The following CEP128 variants were observed in gnomAD, a reference collection of about 807,000 sequenced individuals.
CEP128 encodes centrosomal protein 128.
CEP128 carries 132 observed loss-of-function variants against 156.7 expected under a neutral mutation model. That is an observed-to-expected ratio of 0.84 (90% CI 0.73 to 0.97). The LOEUF (loss-of-function observed/expected upper bound fraction) is 0.97. Among genes scored for constraint, CEP128 ranks in the 50% least tolerant of loss-of-function variants. CEP128 has a pLI of 0.00. For missense variants in CEP128, 1,252 were observed against 1,281.9 expected (o/e 0.98, Z 0.36); for synonymous variants, 469 against 448.9 (o/e 1.04, Z -0.57).
intron 2 of CEP128, among the ~76,000 whole-genome samples, chr14:80,919,087 A>G (rs939801233): frequency 6.6e-6 from 1 of 152,228 alleles, no homozygotes; most frequent in Non-Finnish European, 1.5e-5. Flanking sequence ...GGCAGAATAA[A>G]AAGTTAATAT....
intron 20 of CEP128, among the ~76,000 whole-genome samples, chr14:80,571,153 A>G (rs8011532): frequency 0.57 from 86,223 of 151,962 alleles, 24,776 homozygotes; most frequent in East Asian, 0.72. Context: ...TTGTGCAGCT[A>G]AATGACACCT....
rs932338039 is a variant in CEP128 at position 80,549,772 on chromosome 14, C to T, written c.2880+9507G>A. On this transcript the variant is annotated intron_variant, in intron 21 of 24. Transcript: ENST00000555265. ...TTAGTGTCCTAACAAAGAGTGATGG[C>T]TCTTCTTCAACTTCGGTGCCTGTAG... 2.0e-5 allele frequency among the ~76,000 whole-genome samples: 3 copies of T among 152,272 alleles called. No homozygotes were observed. In the South Asian group the frequency reaches 6.2e-4, roughly 32 times the overall value.
chr14:80,763,556 C>T (rs1900075400), intron 16 of CEP128, among the ~76,000 whole-genome samples: 1 of 152,246 alleles, frequency 6.6e-6, no homozygotes, highest in South Asian at 2.1e-4. Flanking sequence ...AAAGTTTATC[C>T]TTTAAGATGC....
At chr14:80,713,410 T>C (rs1428316456) in intron 19 of CEP128, among the ~76,000 whole-genome samples, 3 of 151,996 alleles carry the variant, frequency 2.0e-5, no homozygotes, top group Non-Finnish European at 4.4e-5. Flanking sequence ...CAAAGCTCTA[T>C]GACTTTGTGT....
Position 80,743,133 on chromosome 14 carries a change from G to C in CEP128, c.2748C>G (p.Leu916=), listed in dbSNP as rs201355718. The change falls in exon 19 of 25, where the codon CTC becomes CTG. Residue 916 remains leucine, a synonymous_variant. Coordinates refer to ENST00000555265, the MANE Select transcript of CEP128 (RefSeq NM_152446.5). Reference sequence around the variant, plus strand: ...GCTCCTGCCTTTCTATCTGTTGAAAGAGACACTGCAACTCAGATTCCTTGT... The same window carrying C: ...GCTCCTGCCTTTCTATCTGTTGAAACAGACACTGCAACTCAGATTCCTTGT... ...TENKESELQC[L]FQQIERQEQL... 6.2e-6 allele frequency: 10 copies of C among 1,613,690 alleles called. No homozygotes were observed. Among genetic ancestry groups the C allele is most frequent in the Non-Finnish European group, 7.6e-6 (9 of 1,179,846 alleles).
intron 23 of CEP128, among the ~76,000 whole-genome samples, chr14:80,525,814 G>T (rs949274962): frequency 1.3e-5 from 2 of 152,160 alleles, no homozygotes; most frequent in African/African-American, 4.8e-5. Flanking sequence ...TGCTAAGAAG[G>T]AGTTATGGAA....
chr14:80,856,074 C>T (rs1198386143), intron 9 of CEP128, among the ~76,000 whole-genome samples: 2 of 152,120 alleles, frequency 1.3e-5, no homozygotes, highest in African/African-American at 4.8e-5. Flanking sequence ...GTATCGATTA[C>T]TTTAATTTTT....
chr14:80,663,152 G>A (rs530343666), intron 19 of CEP128, among the ~76,000 whole-genome samples: 1 of 152,204 alleles, frequency 6.6e-6, no homozygotes, highest in African/African-American at 2.4e-5. Flanking sequence ...GGCTGAGAGA[G>A]CAGGCTCTCT....
intron 19 of CEP128, among the ~76,000 whole-genome samples, chr14:80,711,297 G>T (rs1897395927): frequency 3.1e-5 from 2 of 63,872 alleles, no homozygotes; most frequent in African/African-American, 4.9e-5. Flanking sequence ...AGACTATGTT[G>T]TGTGTGTGTG....
intron 9 of CEP128, among the ~76,000 whole-genome samples, chr14:80,842,408 A>G (rs1305287946): frequency 6.6e-6 from 1 of 151,998 alleles, no homozygotes; most frequent in Non-Finnish European, 1.5e-5. Context: ...CACAAATGCA[A>G]TATTCTAGCC....
chr14:80,685,707 C>T (rs990235629), intron 19 of CEP128, among the ~76,000 whole-genome samples: 1 of 152,134 alleles, frequency 6.6e-6, no homozygotes, highest in Non-Finnish European at 1.5e-5. Flanking sequence ...CTATGTCAAA[C>T]TATACTATAA....
intron 19 of CEP128, among the ~76,000 whole-genome samples, chr14:80,613,806 G>C (rs1307672039): frequency 6.6e-6 from 1 of 152,018 alleles, no homozygotes; most frequent in Non-Finnish European, 1.5e-5. Context: ...GATAAGACTA[G>C]AGTGAAACAA....
At chr14:80,816,032 A>G (rs77479982) in intron 13 of CEP128, among the ~76,000 whole-genome samples, 7,301 of 152,300 alleles carry the variant, frequency 0.048, 197 homozygotes, top group Middle Eastern at 0.061. Context: ...ACACAAAAAA[A>G]AAACCCAGAC....
intron 21 of CEP128, among the ~76,000 whole-genome samples, chr14:80,553,079 C>CTT (rs144285422): frequency 1.5e-4 from 19 of 122,670 alleles, no homozygotes; most frequent in South Asian, 4.6e-4. Context: ...TTCTTTCTTT[C>CTT]TTTCTTTTTT....
Position 80,803,270 on chromosome 14 carries a change from T to C in CEP128, c.1210-10160A>G, listed in dbSNP as rs1883980583. Among the ~76,000 whole-genome samples, 3 of 151,776 alleles carry C rather than the reference T, an allele frequency of 2.0e-5. No homozygotes were observed. In the South Asian group the frequency reaches 6.2e-4, roughly 31 times the overall value. On this transcript the variant is annotated intron_variant, in intron 13 of 24. Coordinates refer to ENST00000555265, the MANE Select transcript of CEP128 (RefSeq NM_152446.5). The stretch of plus-strand genomic sequence containing the variant: ...TTCCAAATTTATGCTGCCTAGTATA[T>C]GCTAACACCTCATTCCTGAGTGCCT...
intron 8 of CEP128, among the ~76,000 whole-genome samples, chr14:80,876,854 A>G (rs1888308561): frequency 6.6e-6 from 1 of 152,214 alleles, no homozygotes; most frequent in South Asian, 2.1e-4. Flanking sequence ...CACTCACCCT[A>G]AAGGAAATCT....
chr14:80,532,198 TA>T (rs1197690711), intron 21 of CEP128, among the ~76,000 whole-genome samples: 51 of 152,078 alleles, frequency 3.4e-4, no homozygotes, highest in African/African-American at 1.2e-3. Flanking sequence ...TATATATATA[TA>T]TATTTTTTTT....
chr14:80,687,419 C>A (rs918559279), intron 19 of CEP128, among the ~76,000 whole-genome samples: 4 of 152,074 alleles, frequency 2.6e-5, no homozygotes, highest in Admixed American at 1.3e-4. Context: ...ATAATGAAAT[C>A]ATGCCCTTTG....
chr14:80,905,368 T>C lies in CEP128; in HGVS notation c.362-437A>G, dbSNP rs535176564. ...AAAAATAGTGCCCAATTTTTAATCA[T>C]TGTTACCATAATCAACAGTAATATT... On this transcript the variant is annotated intron_variant, in intron 5 of 24. Coordinates refer to ENST00000555265, the MANE Select transcript of CEP128 (RefSeq NM_152446.5). The C allele has an allele frequency of 4.5e-5, 7 of 156,366 alleles. No homozygotes were observed. In the South Asian group the frequency reaches 5.9e-4, roughly 13 times the overall value. 9.7% of individuals were successfully genotyped at this position (156,366 alleles called of 1,614,324 possible). A position where few individuals can be genotyped will look rare whatever the true frequency, so the allele number is the denominator to read the frequency against.
Sources: gnomAD v4.1 joint callset for allele counts (sites outside exome capture counted in the v4.1 genomes callset) on GRCh38, gnomAD v4.1.1 for gene constraint, MANE v1.5 for transcripts, NCBI Gene and HGNC (gene_info 2026-07-23, HGNC 2026-07-21) for gene names.